PAX2: variants seen among roughly 807,000 people sequenced by gnomAD.
PAX2 encodes paired box 2, also known as paired box protein Pax-2.
A neutral mutation model predicts 41.7 loss-of-function variants in PAX2; 9 were observed. That is an observed-to-expected ratio of 0.22 (90% CI 0.13 to 0.38). The LOEUF is 0.38. PAX2 is among the 10% of genes least tolerant of loss of function. The pLI is 1.00. For missense variants in PAX2, 418 were observed against 531.6 expected (o/e 0.79, Z 2.10); for synonymous variants, 221 against 212.7 (o/e 1.04, Z -0.34).
chr10:100,749,370 C>G, intron 1 of PAX2: 6 of 1,062,938 alleles, frequency 5.6e-6, no homozygotes, highest in Non-Finnish European at 5.7e-6. Context: ...TCGCACTAGT[C>G]CAGTCCTCTG....
chr10:100,819,131 C>T lies in PAX2; in HGVS notation c.920-5517C>T, dbSNP rs141187853. Among the ~76,000 whole-genome samples the T allele has an allele frequency of 4.6e-3, 696 of 151,866 alleles. 2 individuals are homozygous for T. Among genetic ancestry groups the T allele is most frequent in the African/African-American group, 0.016 (670 of 41,396 alleles). On this transcript the variant is annotated intron_variant, in intron 7 of 9. Coordinates refer to ENST00000355243, the MANE Select transcript of PAX2 (RefSeq NM_000278.5). Reference sequence around the variant, plus strand: ...GGTGCAGTGGCAGGCGCTTGTAATCCCAGCTACTCGTGAGGCTGAGGCAGG... The same window carrying T: ...GGTGCAGTGGCAGGCGCTTGTAATCTCAGCTACTCGTGAGGCTGAGGCAGG...
chr10:100,805,244 G>A (rs867140143), intron 5 of PAX2, among the ~76,000 whole-genome samples: 2 of 152,094 alleles, frequency 1.3e-5, no homozygotes, highest in South Asian at 2.1e-4. Flanking sequence ...ATACTGTATG[G>A]TGTTACTGTA....
intron 7 of PAX2, among the ~76,000 whole-genome samples, chr10:100,818,020 A>G (rs1178993000): frequency 6.6e-6 from 1 of 152,244 alleles, no homozygotes; most frequent in Non-Finnish European, 1.5e-5. Flanking sequence ...TGTAAGTATT[A>G]TAAATGCCTA....
chr10:100,824,709 G>A lies in PAX2; in HGVS notation c.981G>A (p.Gln327=), dbSNP rs149654780. The stretch of plus-strand genomic sequence containing the variant: ...CCCCTCACGTGCCCCCCACTGGCCA[G>A]GGAAGCTACCCCACCTCCACCCTGG... ...GYPPHVPPTG[Q]GSYPTSTLAG... Residue 327 remains glutamine, a synonymous_variant, in exon 8 of 10, where the codon CAG becomes CAA. Coordinates refer to ENST00000355243, the MANE Select transcript of PAX2 (RefSeq NM_000278.5). The surrounding 1 kb of genome is among the most constrained non-coding windows in gnomAD (Gnocchi z 6.6). The A allele has an allele frequency of 2.0e-4, 329 of 1,610,116 alleles. No homozygotes were observed. The highest frequency in any genetic ancestry group is 2.6e-4 in the Non-Finnish European group (305 of 1,176,486).
At chr10:100,755,651 A>G (rs1398663160) in intron 3 of PAX2, among the ~76,000 whole-genome samples, 1 of 152,188 alleles carries the variant, frequency 6.6e-6, no homozygotes, top group Non-Finnish European at 1.5e-5. Context: ...GTGCAATCCT[A>G]CACCCTGAGA....
Position 100,829,734 on chromosome 10 carries a change from G to A in PAX2, c.*2115G>A, listed in dbSNP as rs1025276494. The A allele has an allele frequency of 5.4e-5, 11 of 203,134 alleles. No homozygotes were observed. Among genetic ancestry groups the A allele is most frequent in the Non-Finnish European group, 1.1e-4 (11 of 98,342 alleles). The allele number at this position is 203,134 out of a possible 1,614,324, so 12.6% of individuals were successfully genotyped here. On this transcript the variant is annotated 3_prime_UTR_variant, in exon 10 of 10. Transcript: ENST00000355243. ...CCGAACGGGGCGGCGAGGGCGGCGAGGGCGCCGAGGTCCGGCCCATCCCAG... is the reference window on the plus strand; with the variant it reads ...CCGAACGGGGCGGCGAGGGCGGCGAAGGCGCCGAGGTCCGGCCCATCCCAG...
At chr10:100,813,255 C>A (rs1310605824) in intron 7 of PAX2, among the ~76,000 whole-genome samples, 1 of 152,240 alleles carries the variant, frequency 6.6e-6, no homozygotes, top group Non-Finnish European at 1.5e-5. Context: ...TGAGCAAGTG[C>A]AGCTCTCACC....
Position 100,827,846 on chromosome 10 carries a change from G to A in PAX2, c.*227G>A. The A allele has an allele frequency of 6.8e-6, 4 of 585,894 alleles. No homozygotes were observed. The highest frequency in any genetic ancestry group is 4.1e-5 in the South Asian group (2 of 48,938). The allele number at this position is 585,894 out of a possible 1,614,324, so 36.3% of individuals were successfully genotyped here. ...CGGGACCCTCAGGCCCGGGCCCGCC[G>A]CCCCCAGCCCCGCCTGCCGCCCCTC... is the stretch of plus-strand genomic sequence containing the variant. On this transcript the variant is annotated 3_prime_UTR_variant, in exon 10 of 10. Coordinates refer to ENST00000355243, the MANE Select transcript of PAX2 (RefSeq NM_000278.5). The surrounding 1 kb of genome is among the most constrained non-coding windows in gnomAD (Gnocchi z 8.5).
chr10:100,769,624 A>AAAAATAAT (rs1206434445), intron 3 of PAX2, among the ~76,000 whole-genome samples: 2 of 81,158 alleles, frequency 2.5e-5, no homozygotes, highest in African/African-American at 8.0e-5. Context: ...CCATCTCAAA[A>AAAAATAAT]AGAATAAAAT....
chr10:100,749,329 G>A, intron 1 of PAX2: 1 of 1,009,044 alleles, frequency 9.9e-7, no homozygotes, highest in Non-Finnish European at 1.2e-6. Flanking sequence ...GACAGCTCCC[G>A]GGTTGCCTGC....
In PAX2 at chr10:100,827,190, C is replaced by A; in HGVS notation, c.1108+95C>A. ...GGCGACCCGACCTCTGGGGACCCGG[C>A]CGGGCCAGGGGGACAGGCTTGTTAG... On this transcript the variant is annotated intron_variant, in intron 9 of 9. Transcript: ENST00000355243. This position sits in a 1 kb window ranked among gnomAD's most constrained non-coding sequence, Gnocchi z 8.5. 9.8e-7 allele frequency: 1 copy of A among 1,021,226 alleles called. No individual in the cohort carries two copies. The highest frequency in any genetic ancestry group is 2.5e-5 in the East Asian group (1 of 39,640). The allele number at this position is 1,021,226 out of a possible 1,614,324, so 63.3% of individuals were successfully genotyped here.
Position 100,759,266 on chromosome 10 carries a change from A to G in PAX2, c.410+8375A>G, listed in dbSNP as rs369012007. Among the ~76,000 whole-genome samples the G allele has an allele frequency of 2.0e-5, 3 of 152,092 alleles. No individual in the cohort carries two copies. In the East Asian group the frequency reaches 5.8e-4, roughly 30 times the overall value. On this transcript the variant is annotated intron_variant, in intron 3 of 9. Transcript: ENST00000355243. ...GTGATGAAGGAGAAAGGGGAAGAGG[A>G]AGGTAAGCAGGTTTCTGAGAAGAGT...
At chr10:100,804,037 T>C (rs561993163) in intron 5 of PAX2, among the ~76,000 whole-genome samples, 2 of 152,156 alleles carry the variant, frequency 1.3e-5, no homozygotes, top group Admixed American at 1.3e-4. Context: ...GCACAATGAG[T>C]TGAGGCATGA....
intron 5 of PAX2, among the ~76,000 whole-genome samples, chr10:100,784,430 A>T (rs1846766311): frequency 6.6e-6 from 1 of 152,084 alleles, no homozygotes; most frequent in Non-Finnish European, 1.5e-5. Context: ...CTCCAGGAGG[A>T]CCCTTAAAGA....
chr10:100,763,152 T>C (rs1483106035), intron 3 of PAX2, among the ~76,000 whole-genome samples: 1 of 152,226 alleles, frequency 6.6e-6, no homozygotes, highest in African/African-American at 2.4e-5. Context: ...TATTCTGGGC[T>C]ACTCTTTTCC....
At chr10:100,768,067 A>G (rs1396967010) in intron 3 of PAX2, among the ~76,000 whole-genome samples, 1 of 151,874 alleles carries the variant, frequency 6.6e-6, no homozygotes, top group African/African-American at 2.4e-5. Context: ...GTACGTCAAT[A>G]CTGGTGCATG....
At position 100,828,617 on chromosome 10, in the gene PAX2, A is replaced by G. The variant is rs986884915; in HGVS notation, c.*998A>G. On this transcript the variant is annotated 3_prime_UTR_variant, in exon 10 of 10. Transcript: ENST00000355243. This position sits in a 1 kb window ranked among gnomAD's most constrained non-coding sequence, Gnocchi z 6.5. ...GGACTGGGGTCTTCCTCCAGCAGTTACTTGATGCCCCCTCCCCCGACACAG... is the reference window on the plus strand; with the variant it reads ...GGACTGGGGTCTTCCTCCAGCAGTTGCTTGATGCCCCCTCCCCCGACACAG... 27 of 226,828 alleles carry G rather than the reference A, an allele frequency of 1.2e-4. No homozygotes were observed. The highest frequency in any genetic ancestry group is 6.6e-4 in the African/African-American group (26 of 39,298). 14.1% of individuals were successfully genotyped at this position (226,828 alleles called of 1,614,324 possible).
At chr10:100,788,276 T>A (rs555772983) in intron 5 of PAX2, among the ~76,000 whole-genome samples, 1 of 152,324 alleles carries the variant, frequency 6.6e-6, no homozygotes, top group South Asian at 2.1e-4. Flanking sequence ...CGCCTCCTTT[T>A]GTAGGCTGCC....
In PAX2 at chr10:100,795,239, G is replaced by A. The variant is rs1847279335; in HGVS notation, c.617-11191G>A. Among the ~76,000 whole-genome samples, 3 of 152,202 alleles carry A rather than the reference G, an allele frequency of 2.0e-5. No homozygotes were observed. In the South Asian group the frequency reaches 6.2e-4, roughly 32 times the overall value. Reference sequence around the variant, plus strand: ...TTAAAAATCTGGTTTACATCGATGAGCAAATTGAGTGCCTGCTATGTACAA... The same window carrying A: ...TTAAAAATCTGGTTTACATCGATGAACAAATTGAGTGCCTGCTATGTACAA... On this transcript the variant is annotated intron_variant, in intron 5 of 9. Coordinates refer to ENST00000355243, the MANE Select transcript of PAX2 (RefSeq NM_000278.5).
Sources: allele counts gnomAD v4.1 joint callset (sites outside exome capture counted in the v4.1 genomes callset), GRCh38; gene constraint gnomAD v4.1.1; non-coding constraint Gnocchi (gnomAD v3.1); transcripts MANE v1.5; gene names NCBI Gene and HGNC (gene_info 2026-07-23, HGNC 2026-07-21).